Variants in KIRREL1 observed in about 807,000 individuals in gnomAD.
KIRREL1 encodes kin of IRRE-like protein 1.
A neutral mutation model predicts 83.3 loss-of-function variants in KIRREL1; 25 were observed. The ratio of observed to expected loss-of-function variants is 0.30; its 90% CI spans 0.22 to 0.42. The LOEUF (loss-of-function observed/expected upper bound fraction) is 0.42, where lower values mean the gene tolerates loss of function less well. Ranked by LOEUF, KIRREL1 falls within the 10% of genes least tolerant of loss-of-function variation. The probability of loss-of-function intolerance (pLI) is 1.00; values close to 1 mark genes in which losing one functional copy is unlikely to be tolerated. For synonymous variants in KIRREL1, 388 were observed against 410.4 expected (o/e 0.95, Z 0.66); for missense variants, 812 against 1,032.3 (o/e 0.79, Z 2.92).
rs531593484 is a variant in KIRREL1, at chr1:158,027,439, G to A, written c.52+33711G>A. On this transcript the variant is annotated intron_variant, in intron 1 of 14. Transcript: ENST00000359209. The stretch of plus-strand genomic sequence containing the variant: ...ATGATTAATGAAACCATTGGTCACT[G>A]GTGATCAACTTAACCTTCAGCCCCT... Among the ~76,000 whole-genome samples, 4 of 152,274 alleles carry A rather than the reference G, an allele frequency of 2.6e-5. 1 individual carries two copies. The South Asian group carries it at 8.3e-4, about 32-fold the overall frequency.
intron 1 of KIRREL1, among the ~76,000 whole-genome samples, chr1:158,042,212 G>GGTGTGTGTGTGTGT (rs10577493): frequency 3.6e-5 from 5 of 137,652 alleles, no homozygotes; most frequent in African/African-American, 1.4e-4. Context: ...TCTTCTCCAG[G>GGTGTGTGTGTGTGT]GTGTGTGTGT....
chr1:158,032,856 C>T (rs1283158980), intron 1 of KIRREL1, among the ~76,000 whole-genome samples: 1 of 152,146 alleles, frequency 6.6e-6, no homozygotes, highest in South Asian at 2.1e-4. Context: ...CTGCAACCTC[C>T]ACTTCCCGCG....
intron 2 of KIRREL1, 80 bp downstream of exon 2, chr1:158,076,342 A>G (rs919826369): frequency 1.5e-6 from 2 of 1,337,584 alleles, no homozygotes; most frequent in Admixed American, 3.5e-5. Flanking sequence ...TCCTGGACTC[A>G]CCATCCCTTA....
At chr1:158,089,481 G>C in intron 8 of KIRREL1, 21 bp from the exon 9 acceptor site, 1 of 1,613,668 alleles carries the variant, frequency 6.2e-7, no homozygotes, top group Non-Finnish European at 8.5e-7. Context: ...CTCCCCACCC[G>C]AGGCTGCTCT....
chr1:158,043,482 G>A (rs1164334140), intron 1 of KIRREL1, among the ~76,000 whole-genome samples: 1 of 152,182 alleles, frequency 6.6e-6, no homozygotes, highest in African/African-American at 2.4e-5. Flanking sequence ...TTTCTGCCTG[G>A]CTGCTCCCTT....
At chr1:158,075,864 TA>T (rs1170904867) in intron 1 of KIRREL1, among the ~76,000 whole-genome samples, 13 of 152,200 alleles carry the variant, frequency 8.5e-5, no homozygotes, top group African/African-American at 3.1e-4. Context: ...AACAGTGCAC[TA>T]TTTTCTGTGA....
At chr1:158,020,489 C>G (rs1659974465) in intron 1 of KIRREL1, among the ~76,000 whole-genome samples, 1 of 150,620 alleles carries the variant, frequency 6.6e-6, no homozygotes, top group Non-Finnish European at 1.5e-5. Flanking sequence ...AGCTCCTGCA[C>G]TAGACTATAA....
intron 11 of KIRREL1, among the ~76,000 whole-genome samples, chr1:158,092,297 A>G (rs994925635): frequency 1.3e-5 from 2 of 150,550 alleles, no homozygotes; most frequent in Non-Finnish European, 2.9e-5. Flanking sequence ...CATTTGACAT[A>G]GGAGATGGAG....
chr1:158,092,997 G>A (rs1662247055), intron 11 of KIRREL1, among the ~76,000 whole-genome samples: 1 of 152,182 alleles, frequency 6.6e-6, no homozygotes, highest in Non-Finnish European at 1.5e-5. Flanking sequence ...TCAAAGAAGA[G>A]CGAGGGGCCA....
At chr1:158,063,208 G>A (rs943633008) in intron 1 of KIRREL1, among the ~76,000 whole-genome samples, 3 of 152,184 alleles carry the variant, frequency 2.0e-5, no homozygotes, top group African/African-American at 4.8e-5. Flanking sequence ...CAACTTACGA[G>A]GCTATAGTAA....
chr1:158,088,997 G>GT (rs1393850909), intron 8 of KIRREL1, among the ~76,000 whole-genome samples: 1 of 151,926 alleles, frequency 6.6e-6, no homozygotes, highest in Non-Finnish European at 1.5e-5. Flanking sequence ...GCAGGGTGGG[G>GT]TGGGAGGAAG....
rs1338262670 is a variant in KIRREL1 at position 158,097,131 on chromosome 1, G to A, written c.*2011G>A. 8.8e-6 allele frequency: 4 copies of A among 453,870 alleles called. No individual in the cohort carries two copies. Among genetic ancestry groups the A allele is most frequent in the Middle Eastern group, 3.3e-4 (1 of 3,006 alleles). 28.1% of individuals were successfully genotyped at this position (453,870 alleles called of 1,614,324 possible). A position where few individuals can be genotyped will look rare whatever the true frequency, so the allele number is the denominator to read the frequency against. ...CTGGGGCATTTACAGGCTTCCAGCT[G>A]TATTCCATCCCTGGAAGCTGATACC... On this transcript the variant is annotated 3_prime_UTR_variant, in exon 15 of 15. Transcript: ENST00000359209.
chr1:158,071,030 G>GC lies in KIRREL1; in HGVS notation c.53-5078dup, dbSNP rs568651374. ...GGGCAGGAGATGGGGTGCTGCCAGG[G>GC]CCCCCAGCTCCCCTCCCACCTCTGT... On this transcript the variant is annotated intron_variant, in intron 1 of 14. Coordinates refer to ENST00000359209, the MANE Select transcript of KIRREL1 (RefSeq NM_018240.7). 1.9e-3 allele frequency among the ~76,000 whole-genome samples: 296 copies of GC among 152,098 alleles called. 1 individual carries two copies. Among genetic ancestry groups the GC allele is most frequent in the African/African-American group, 6.6e-3 (275 of 41,490 alleles).
At chr1:158,064,304 A>G (rs1661304291) in intron 1 of KIRREL1, among the ~76,000 whole-genome samples, 3 of 152,312 alleles carry the variant, frequency 2.0e-5, no homozygotes, top group South Asian at 4.1e-4. Context: ...CATGGGGAAA[A>G]GGTTTTACTT....
intron 1 of KIRREL1, among the ~76,000 whole-genome samples, chr1:158,037,132 C>G (rs2101681877): frequency 6.6e-6 from 1 of 152,322 alleles, no homozygotes; most frequent in African/African-American, 2.4e-5. Flanking sequence ...CACCTGGGTT[C>G]TAGTCCCACT....
intron 3 of KIRREL1, among the ~76,000 whole-genome samples, chr1:158,080,887 C>G: frequency 6.6e-6 from 1 of 152,198 alleles, no homozygotes; most frequent in East Asian, 1.9e-4. Flanking sequence ...TTACCCACAG[C>G]CTTTGCTCAT....
intron 1 of KIRREL1, among the ~76,000 whole-genome samples, chr1:158,061,841 G>A (rs1272649364): frequency 2.6e-5 from 4 of 152,196 alleles, no homozygotes; most frequent in Non-Finnish European, 4.4e-5. Flanking sequence ...TGGGAAGACT[G>A]CCTGGAGGAC....
intron 3 of KIRREL1, 45 bp downstream of exon 3, chr1:158,078,185 T>C: frequency 6.3e-7 from 1 of 1,592,406 alleles, no homozygotes. Context: ...CCTGTCTCTC[T>C]GTATCCTGGC....
intron 1 of KIRREL1, among the ~76,000 whole-genome samples, chr1:158,067,711 C>G (rs552003722): frequency 6.6e-6 from 1 of 152,232 alleles, no homozygotes; most frequent in Non-Finnish European, 1.5e-5. Context: ...TAGAGTACTT[C>G]TGTCCCTTCC....
Sources: allele counts gnomAD v4.1 joint callset (sites outside exome capture counted in the v4.1 genomes callset), GRCh38; gene constraint gnomAD v4.1.1; transcripts MANE v1.5; gene names NCBI Gene and HGNC (gene_info 2026-07-23, HGNC 2026-07-21).